The following DSCAM variants were observed in gnomAD, a reference collection of about 807,000 sequenced individuals.
The protein encoded by DSCAM is DS cell adhesion molecule, also known as cell adhesion molecule DSCAM.
Under a neutral mutation model 217.7 loss-of-function variants are expected in DSCAM, and 47 were observed. The ratio of observed to expected loss-of-function variants is 0.22; its 90% CI spans 0.17 to 0.28. The LOEUF (loss-of-function observed/expected upper bound fraction) is 0.28, where lower values mean the gene tolerates loss of function less well. Among genes scored for constraint, DSCAM ranks in the 10% least tolerant of loss-of-function variants. The probability of loss-of-function intolerance (pLI) is 1.00; values close to 1 mark genes in which losing one functional copy is unlikely to be tolerated. For synonymous variants in DSCAM, 1,056 were observed against 1,015.3 expected (o/e 1.04, Z -0.76); for missense variants, 2,080 against 2,618.3 (o/e 0.79, Z 4.49).
In DSCAM at chr21:40,520,401, T is replaced by C. The variant is rs562547709; in HGVS notation, c.509-151156A>G. 1.1e-4 allele frequency among the ~76,000 whole-genome samples: 16 copies of C among 152,332 alleles called. 1 individual carries two copies. The South Asian group carries it at 2.7e-3, about 26-fold the overall frequency. Reference sequence around the variant, plus strand: ...AGAAAATATGCTTTTCATGAAAGTATTTCAAAATCAAAGATTGCTGTCAAC... The same window carrying C: ...AGAAAATATGCTTTTCATGAAAGTACTTCAAAATCAAAGATTGCTGTCAAC... On this transcript the variant is annotated intron_variant, in intron 3 of 32. Coordinates refer to ENST00000400454, the MANE Select transcript of DSCAM (RefSeq NM_001389.5).
chr21:40,222,449 C>G (rs529475712), intron 11 of DSCAM, among the ~76,000 whole-genome samples: 1 of 152,250 alleles, frequency 6.6e-6, no homozygotes, highest in South Asian at 2.1e-4. Flanking sequence ...TAAAAACCAC[C>G]GCTTGCCAAA....
chr21:40,015,570 C>T (rs2088143401), intron 32 of DSCAM, among the ~76,000 whole-genome samples: 1 of 152,158 alleles, frequency 6.6e-6, no homozygotes, highest in Non-Finnish European at 1.5e-5. Flanking sequence ...GCTAGGGCTA[C>T]AGTTACATAC....
chr21:40,470,156 T>C (rs2075876289), intron 3 of DSCAM, among the ~76,000 whole-genome samples: 1 of 152,210 alleles, frequency 6.6e-6, no homozygotes, highest in Non-Finnish European at 1.5e-5. Flanking sequence ...ATCAAATTGG[T>C]ATGTTTTATT....
At chr21:40,211,932 G>T (rs1028615783) in intron 11 of DSCAM, among the ~76,000 whole-genome samples, 2 of 151,900 alleles carry the variant, frequency 1.3e-5, no homozygotes, top group African/African-American at 4.8e-5. Context: ...TGTGTGTGTG[G>T]GTTTTGTTGT....
chr21:40,677,571 C>G (rs1474980197), intron 3 of DSCAM, among the ~76,000 whole-genome samples: 2 of 152,114 alleles, frequency 1.3e-5, no homozygotes, highest in Non-Finnish European at 2.9e-5. Flanking sequence ...AAACATTGGC[C>G]TAAGGATATT....
Position 40,042,355 on chromosome 21 carries a change from G to A in DSCAM, c.5686+16C>T. 3 of 1,610,178 alleles carry A rather than the reference G, an allele frequency of 1.9e-6. No homozygotes were observed. Among genetic ancestry groups the A allele is most frequent in the Non-Finnish European group, 2.5e-6 (3 of 1,177,732 alleles). ...CTTCCCTAAGCGACGGCCCCCAGGT[G>A]GCCTTGCTCACCTACCTGGCCGATG... On this transcript the variant is annotated intron_variant, in intron 32 of 32. Transcript: ENST00000400454.
intron 27 of DSCAM, among the ~76,000 whole-genome samples, chr21:40,066,207 T>G (rs962730578): frequency 7.9e-5 from 12 of 152,216 alleles, no homozygotes; most frequent in African/African-American, 2.7e-4. Context: ...TCTTGGCCCT[T>G]TTGGGCACAG....
intron 3 of DSCAM, among the ~76,000 whole-genome samples, chr21:40,673,494 T>A (rs553138342): frequency 1.6e-4 from 25 of 152,334 alleles, no homozygotes; most frequent in African/African-American, 6.0e-4. Flanking sequence ...TCACCTCTAG[T>A]GGCCTTACGT....
intron 3 of DSCAM, among the ~76,000 whole-genome samples, chr21:40,584,153 C>G (rs895070777): frequency 2.0e-5 from 3 of 152,142 alleles, no homozygotes; most frequent in Non-Finnish European, 4.4e-5. Flanking sequence ...CACAGAGAAG[C>G]TGATATTCCT....
chr21:40,539,262 T>C (rs561602037), intron 3 of DSCAM, among the ~76,000 whole-genome samples: 1 of 152,140 alleles, frequency 6.6e-6, no homozygotes, highest in South Asian at 2.1e-4. Flanking sequence ...CCCAGCACTT[T>C]GGGAGGCTGA....
At chr21:40,404,039 A>G (rs17835481) in intron 3 of DSCAM, among the ~76,000 whole-genome samples, 13,826 of 152,232 alleles carry the variant, frequency 0.091, 701 homozygotes, top group Non-Finnish European at 0.12. Context: ...CCTTTTTAAC[A>G]TAAATGAGAA....
chr21:40,032,835 G>A (rs1484411023), intron 32 of DSCAM, among the ~76,000 whole-genome samples: 1 of 152,148 alleles, frequency 6.6e-6, no homozygotes, highest in African/African-American at 2.4e-5. Context: ...CTCAAACCTT[G>A]TTAGAAATTG....
chr21:40,099,974 C>T (rs1008041495), intron 20 of DSCAM, among the ~76,000 whole-genome samples: 1 of 152,140 alleles, frequency 6.6e-6, no homozygotes, highest in East Asian at 1.9e-4. Flanking sequence ...CAGAGGTTAG[C>T]CCTGCTCACA....
chr21:40,792,969 C>G (rs1032508770), intron 1 of DSCAM, among the ~76,000 whole-genome samples: 2 of 152,094 alleles, frequency 1.3e-5, no homozygotes, highest in African/African-American at 4.8e-5. Context: ...GGAGCTGATT[C>G]TCAGGCCATA....
chr21:40,026,127 G>A (rs1338499053), intron 32 of DSCAM, among the ~76,000 whole-genome samples: 1 of 141,562 alleles, frequency 7.1e-6, no homozygotes, highest in Non-Finnish European at 1.6e-5. Context: ...ATTTCGTTAT[G>A]TACCCAGTAG....
At chr21:40,633,523 A>C (rs1272661149) in intron 3 of DSCAM, among the ~76,000 whole-genome samples, 2 of 152,252 alleles carry the variant, frequency 1.3e-5, no homozygotes, top group Admixed American at 6.5e-5. Context: ...TTTAAAAAGA[A>C]ATATTTGGGA....
At chr21:40,405,678 C>A (rs1309216584) in intron 3 of DSCAM, among the ~76,000 whole-genome samples, 1 of 152,008 alleles carries the variant, frequency 6.6e-6, no homozygotes, top group Non-Finnish European at 1.5e-5. Context: ...AAAATGGGGA[C>A]TGGACTTGAA....
At chr21:40,681,874 T>C (rs2090404603) in intron 3 of DSCAM, among the ~76,000 whole-genome samples, 1 of 152,066 alleles carries the variant, frequency 6.6e-6, no homozygotes, top group South Asian at 2.1e-4. Flanking sequence ...AAGTCAAGGA[T>C]GCCAAGGAGC....
rs1394893930 is a variant in DSCAM, at chr21:40,028,413, C to T, written c.5686+13958G>A. ...TTCCAGGCTGCTTTGTTTACCTAAG[C>T]AAGCCTGGGCAATGGCGGGCCCCCC... On this transcript the variant is annotated intron_variant, in intron 32 of 32. Transcript: ENST00000400454. Among the ~76,000 whole-genome samples, 3 of 150,698 alleles carry T rather than the reference C, an allele frequency of 2.0e-5. No individual in the cohort carries two copies. The East Asian group carries it at 5.9e-4, about 30-fold the overall frequency.
Sources: allele counts gnomAD v4.1 joint callset (sites outside exome capture counted in the v4.1 genomes callset), GRCh38; gene constraint gnomAD v4.1.1; transcripts MANE v1.5; gene names NCBI Gene and HGNC (gene_info 2026-07-23, HGNC 2026-07-21).